SHISA9: variants seen among roughly 807,000 people sequenced by gnomAD.
The protein encoded by SHISA9 is shisa family member 9, also known as protein shisa-9.
A neutral mutation model predicts 38.0 loss-of-function variants in SHISA9; 13 were observed. The ratio of observed to expected loss-of-function variants is 0.34; its 90% confidence interval spans 0.22 to 0.54. The LOEUF is 0.54. Ranked by LOEUF, SHISA9 falls within the 20% of genes least tolerant of loss-of-function variation. The probability of loss-of-function intolerance (pLI) is 0.91; values close to 1 mark genes in which losing one functional copy is unlikely to be tolerated. For missense variants in SHISA9, 538 were observed against 575.8 expected, an observed-to-expected ratio of 0.93 and a Z score of 0.67; for synonymous variants, 275 against 242.0, an observed-to-expected ratio of 1.14 and a Z score of -1.27.
the SHISA9 span, among the ~76,000 whole-genome samples, chr16:13,496,715 G>A: frequency 6.6e-6 from 1 of 152,152 alleles, no homozygotes; most frequent in African/African-American, 2.4e-5. Context: ...TTTTTCCTGT[G>A]TAGTATTTGA....
At chr16:13,473,803 T>G in the SHISA9 span, among the ~76,000 whole-genome samples, 5 of 152,162 alleles carry the variant, frequency 3.3e-5, no homozygotes, top group Admixed American at 1.3e-4. Flanking sequence ...AGTTGTTTGT[T>G]TGTGTGTGTT....
At chr16:13,478,956 A>T in the SHISA9 span, among the ~76,000 whole-genome samples, 1 of 152,194 alleles carries the variant, frequency 6.6e-6, no homozygotes, top group Non-Finnish European at 1.5e-5. Flanking sequence ...GAATATTACC[A>T]TAAACTTTGT....
chr16:13,073,440 A>G (rs2073542455), intron 2 of SHISA9, among the ~76,000 whole-genome samples: 1 of 152,186 alleles, frequency 6.6e-6, no homozygotes, highest in Non-Finnish European at 1.5e-5. Flanking sequence ...TGCCAAGGGC[A>G]TTGATCTCCC....
At chr16:13,191,271 A>G (rs1280224328) in intron 2 of SHISA9, among the ~76,000 whole-genome samples, 12 of 152,248 alleles carry the variant, frequency 7.9e-5, no homozygotes, top group Non-Finnish European at 1.5e-4. Flanking sequence ...AATTGGCCCC[A>G]GCAGGGACAT....
At chr16:13,437,662 A>C in the SHISA9 span, among the ~76,000 whole-genome samples, 1 of 151,356 alleles carries the variant, frequency 6.6e-6, no homozygotes, top group African/African-American at 2.4e-5. Flanking sequence ...TCTGCTGTGA[A>C]CTCCCCCACT....
At chr16:13,143,009 A>ATTTTATTTTATTT (rs1555465418) in intron 2 of SHISA9, among the ~76,000 whole-genome samples, 5 of 150,632 alleles carry the variant, frequency 3.3e-5, no homozygotes, top group African/African-American at 1.2e-4. Context: ...ATTTTATTTT[A>ATTTTATTTTATTT]TTTTATTTTA....
At chr16:13,532,162 C>T in the SHISA9 span, among the ~76,000 whole-genome samples, 1 of 152,172 alleles carries the variant, frequency 6.6e-6, no homozygotes, top group African/African-American at 2.4e-5. Context: ...CAACTTATCC[C>T]TGCTCTGAAT....
chr16:12,923,545 A>C (rs966081133), intron 2 of SHISA9, among the ~76,000 whole-genome samples: 1 of 151,970 alleles, frequency 6.6e-6, no homozygotes, highest in African/African-American at 2.4e-5. Context: ...AAGAAGAAGA[A>C]ATTTTGGGAG....
chr16:13,256,667 A>G, the SHISA9 span, among the ~76,000 whole-genome samples: 1 of 152,200 alleles, frequency 6.6e-6, no homozygotes, highest in Non-Finnish European at 1.5e-5. Flanking sequence ...CTGAATTCCC[A>G]TTGCCTAGAA....
chr16:13,234,925 A>G, intron 4 of SHISA9, 105 bp from the exon 5 acceptor site: 3 of 1,350,274 alleles, frequency 2.2e-6, no homozygotes, highest in Non-Finnish European at 3.0e-6. Context: ...GCCCATTTTT[A>G]TGCTGTTCTT....
At chr16:13,437,920 C>T in the SHISA9 span, among the ~76,000 whole-genome samples, 2 of 146,012 alleles carry the variant, frequency 1.4e-5, no homozygotes, top group South Asian at 4.3e-4. Context: ...GGCTGGAGTG[C>T]AGTGACGTGA....
intron 2 of SHISA9, among the ~76,000 whole-genome samples, chr16:12,957,188 C>T (rs530510530): frequency 2.6e-5 from 4 of 152,156 alleles, no homozygotes; most frequent in African/African-American, 9.6e-5. Context: ...GGCACCTTGA[C>T]ATTCTTCTCT....
chr16:13,247,942 T>A, the SHISA9 span, among the ~76,000 whole-genome samples: 1 of 152,226 alleles, frequency 6.6e-6, no homozygotes, highest in African/African-American at 2.4e-5. Context: ...CAATTTACAA[T>A]GTGCGGGTGC....
At chr16:13,247,269 G>A in the SHISA9 span, among the ~76,000 whole-genome samples, 1 of 152,122 alleles carries the variant, frequency 6.6e-6, no homozygotes, top group East Asian at 1.9e-4. Context: ...CTTCCATGAA[G>A]GGATTACAAT....
At position 13,236,613 on chromosome 16, in the gene SHISA9, G is replaced by T. The variant is rs1001666333; in HGVS notation, c.*1204G>T. 1 of 152,292 alleles carries T rather than the reference G, an allele frequency of 6.6e-6. No homozygotes were observed. Among genetic ancestry groups the T allele is most frequent in the East Asian group, 1.9e-4 (1 of 5,200 alleles). The allele number at this position is 152,292 out of a possible 1,614,324, so 9.4% of individuals were successfully genotyped here. On this transcript the variant is annotated 3_prime_UTR_variant, in exon 5 of 5. Transcript: ENST00000558583. ...CAGTCTTGTTTCCCAAGTGCAACCT[G>T]TGTTCTTTTAGCCTTCCTTCCTCTT...
rs571326006 is a variant in SHISA9 at position 13,018,565 on chromosome 16, G to A, written c.691+101750G>A. Among the ~76,000 whole-genome samples the A allele has an allele frequency of 2.6e-5, 4 of 152,208 alleles. No homozygotes were observed. In the East Asian group the frequency reaches 7.7e-4, roughly 29 times the overall value. On this transcript the variant is annotated intron_variant, in intron 2 of 4. Coordinates refer to ENST00000558583, the MANE Select transcript of SHISA9 (RefSeq NM_001145204.3). Reference sequence around the variant, plus strand: ...CGGGATGAAGGCGATTTGCAGTGGGGTGGAGGGAAGAGTCCCAGGCAGGGG... The same window carrying A: ...CGGGATGAAGGCGATTTGCAGTGGGATGGAGGGAAGAGTCCCAGGCAGGGG...
At chr16:13,046,280 A>C (rs2073187890) in intron 2 of SHISA9, among the ~76,000 whole-genome samples, 1 of 152,218 alleles carries the variant, frequency 6.6e-6, no homozygotes, top group South Asian at 2.1e-4. Flanking sequence ...ACCTAAATTT[A>C]GGTCCTATAT....
At chr16:13,214,254 C>A (rs765202745) in intron 4 of SHISA9, among the ~76,000 whole-genome samples, 5 of 152,102 alleles carry the variant, frequency 3.3e-5, no homozygotes, top group Non-Finnish European at 4.4e-5. Flanking sequence ...GCTAAAGTGC[C>A]GTAGTGCGAT....
the SHISA9 span, among the ~76,000 whole-genome samples, chr16:13,277,307 G>C: frequency 6.6e-6 from 1 of 152,090 alleles, no homozygotes; most frequent in Non-Finnish European, 1.5e-5. Context: ...ATGCTGTTTA[G>C]GTGACTATGG....
Sources: gnomAD v4.1 joint callset for allele counts (sites outside exome capture counted in the v4.1 genomes callset) on GRCh38, gnomAD v4.1.1 for gene constraint, MANE v1.5 for transcripts, NCBI Gene and HGNC (gene_info 2026-07-23, HGNC 2026-07-21) for gene names.